The following HDAC5 variants were observed in gnomAD, a reference collection of about 807,000 sequenced individuals.
HDAC5 encodes the protein histone deacetylase 5, also known as antigen NY-CO-9.
A neutral mutation model predicts 133.3 loss-of-function variants in HDAC5; 25 were observed. The observed-to-expected ratio is 0.19, with a 90% CI of 0.14 to 0.26. The LOEUF (loss-of-function observed/expected upper bound fraction) is 0.26, where lower values mean the gene tolerates loss of function less well. Among genes scored for constraint, HDAC5 ranks in the 10% least tolerant of loss-of-function variants. The pLI, the probability that HDAC5 is intolerant of heterozygous loss-of-function variation, is 1.00. For synonymous variants in HDAC5, 589 were observed against 610.8 expected (o/e 0.96, Z 0.53); for missense variants, 1,041 against 1,460.5 (o/e 0.71, Z 4.68).
At chr17:44,109,300 T>C (rs545941116) in intron 3 of HDAC5, among the ~76,000 whole-genome samples, 2 of 152,268 alleles carry the variant, frequency 1.3e-5, no homozygotes, top group Non-Finnish European at 1.5e-5. Flanking sequence ...GGTCTTTAGC[T>C]GGACCTGTGG....
Position 44,107,663 on chromosome 17 carries a change from G to A in HDAC5, c.94+3066C>T, listed in dbSNP as rs574630258. Among the ~76,000 whole-genome samples, 25 of 147,964 alleles carry A rather than the reference G, an allele frequency of 1.7e-4. No individual in the cohort carries two copies. The South Asian group carries it at 5.2e-3, about 31-fold the overall frequency. ...AAGTACCTGATAGCCTTGTCACTCA[G>A]TGCATTATAATAGTTCCACTCTCAC... On this transcript the variant is annotated intron_variant, in intron 3 of 26. Coordinates refer to ENST00000682912, the MANE Select transcript of HDAC5 (RefSeq NM_005474.5).
At position 44,086,619 on chromosome 17, in the gene HDAC5, C is replaced by T. The variant is rs1056137883; in HGVS notation, c.2003G>A (p.Gly668Asp). The part of the protein sequence containing the change: ...RTQSSPAAPG[G>D]MKSPPDQPVK... The stretch of plus-strand genomic sequence containing the variant: ...GGGCTGGTCTGGGGGGCTCTTCATG[C>T]CCCCAGGGGCAGCAGGGGAGGACTG... The change falls in exon 14 of 27, where the codon GGC becomes GAC. Residue 668 changes from glycine (G) to aspartate (D), a missense_variant. Gly to Asp is a moderately conservative substitution (Grantham distance 94, BLOSUM62 -1). Coordinates refer to ENST00000682912, the MANE Select transcript of HDAC5 (RefSeq NM_005474.5). The T allele has an allele frequency of 7.7e-7, 1 of 1,303,272 alleles. No homozygotes were observed. The highest frequency in any genetic ancestry group is 9.8e-7 in the Non-Finnish European group (1 of 1,018,072). The allele number at this position is 1,303,272 out of a possible 1,614,324, so 80.7% of individuals were successfully genotyped here. A position where few individuals can be genotyped will look rare whatever the true frequency, so the allele number is the denominator to read the frequency against.
At chr17:44,113,623 G>A (rs970774453) in intron 2 of HDAC5, among the ~76,000 whole-genome samples, 3 of 152,006 alleles carry the variant, frequency 2.0e-5, no homozygotes, top group African/African-American at 7.3e-5. Flanking sequence ...AAACCTTATG[G>A]AGCACCCACC....
In HDAC5 at chr17:44,117,731, G is replaced by A; in HGVS notation, c.-189-27C>T. 1.6e-6 allele frequency: 1 copy of A among 608,764 alleles called. No individual in the cohort carries two copies. The highest frequency in any genetic ancestry group is 2.9e-6 in the Non-Finnish European group (1 of 339,518). 37.7% of individuals were successfully genotyped at this position (608,764 alleles called of 1,614,324 possible). On this transcript the variant is annotated intron_variant, in intron 1 of 26. Transcript: ENST00000682912. This position sits in a 1 kb window ranked among gnomAD's most constrained non-coding sequence, Gnocchi z 4.2. Reference sequence around the variant, plus strand: ...TGGGGAGAGATGGAGCAGGGTTAGAGGCCCCTAACTCAGGAATCTGAGAGT... The same window carrying A: ...TGGGGAGAGATGGAGCAGGGTTAGAAGCCCCTAACTCAGGAATCTGAGAGT...
rs757705781 is a variant in HDAC5 at position 44,093,817 on chromosome 17, G to T, written c.112C>A (p.Leu38Met). ...IPVTVEVKPVLPRAMPSSMGG... is the reference protein window; with the variant it reads ...IPVTVEVKPVMPRAMPSSMGG... ...ATGGAACTGGGCATGGCTCTTGGCAGCACCGGCTTCACCTCCACTGTGGGC... is the reference window on the plus strand; with the variant it reads ...ATGGAACTGGGCATGGCTCTTGGCATCACCGGCTTCACCTCCACTGTGGGC... The change falls in exon 4 of 27, where the codon CTG (leucine) becomes ATG (methionine). Residue 38 changes from leucine (L) to methionine (M), a missense_variant. By Grantham distance (15) the Leu-to-Met change is conservative (BLOSUM62 2). Transcript: ENST00000682912. 1 of 1,517,164 alleles carries T rather than the reference G, an allele frequency of 6.6e-7. No homozygotes were observed. Among genetic ancestry groups the T allele is most frequent in the South Asian group, 1.3e-5 (1 of 75,464 alleles). 94.0% of individuals were successfully genotyped at this position (1,517,164 alleles called of 1,614,324 possible). A position where few individuals can be genotyped will look rare whatever the true frequency, so the allele number is the denominator to read the frequency against.
intron 1 of HDAC5, among the ~76,000 whole-genome samples, chr17:44,118,684 C>G (rs59908555): frequency 6.6e-6 from 1 of 152,272 alleles, no homozygotes; most frequent in African/African-American, 2.4e-5. Context: ...CGATCCACCC[C>G]AGACATGATC....
At chr17:44,084,715 A>G in intron 15 of HDAC5, 40 bp from the exon 16 acceptor site, 1 of 1,608,928 alleles carries the variant, frequency 6.2e-7, no homozygotes, top group Non-Finnish European at 8.5e-7. Context: ...ACAAAGGCAC[A>G]GCTCTCTCAG....
At chr17:44,086,423 G>A (rs145972960) in intron 14 of HDAC5, 149 bp downstream of exon 14, 12 of 540,288 alleles carry the variant, frequency 2.2e-5, no homozygotes, top group East Asian at 2.1e-4. Context: ...GAACAGCTCT[G>A]GGGTACAGGG....
At position 44,091,118 on chromosome 17, in the gene HDAC5, G is replaced by A. The variant is rs570998331; in HGVS notation, c.1387+152C>T. On this transcript the variant is annotated intron_variant, in intron 11 of 26. Coordinates refer to ENST00000682912, the MANE Select transcript of HDAC5 (RefSeq NM_005474.5). ...CAGATTTTGTCAAGAACAGTGCCTG[G>A]CATCCTGTAGGTATCCCATGTTTCC... is the stretch of plus-strand genomic sequence containing the variant. 3 of 695,124 alleles carry A rather than the reference G, an allele frequency of 4.3e-6. No homozygotes were observed. The Admixed American group carries it at 6.5e-5, about 15-fold the overall frequency. 43.1% of individuals were successfully genotyped at this position (695,124 alleles called of 1,614,324 possible).
At chr17:44,101,318 G>A (rs2051591672) in intron 3 of HDAC5, among the ~76,000 whole-genome samples, 1 of 147,288 alleles carries the variant, frequency 6.8e-6, no homozygotes, top group Non-Finnish European at 1.5e-5. Flanking sequence ...GGCTGAGGCA[G>A]GAGAATGGCA....
At chr17:44,112,106 C>G (rs2052381736) in intron 2 of HDAC5, among the ~76,000 whole-genome samples, 1 of 152,120 alleles carries the variant, frequency 6.6e-6, no homozygotes, top group African/African-American at 2.4e-5. Flanking sequence ...GTCTGAGGCT[C>G]AAGTCTGAGC....
chr17:44,093,736 C>G lies in HDAC5; in HGVS notation c.193G>C (p.Gly65Arg), dbSNP rs1201445885. Reference protein sequence around the residue: ...SPVELRGALVGSVDPTLREQQ... With the variant: ...SPVELRGALVRSVDPTLREQQ... ...TCCCGCAGTGTGGGGTCCACAGAGC[C>G]CACCAGAGCCCCCCGTAGCTCCACA... The change falls in exon 4 of 27, where the codon GGC becomes CGC. Residue 65 changes from glycine (G) to arginine (R), a missense_variant. Coordinates refer to ENST00000682912, the MANE Select transcript of HDAC5 (RefSeq NM_005474.5). 1.9e-6 allele frequency: 3 copies of G among 1,604,038 alleles called. No individual in the cohort carries two copies. In the African/African-American group the frequency reaches 4.0e-5, roughly 21 times the overall value.
intron 3 of HDAC5, among the ~76,000 whole-genome samples, chr17:44,110,104 C>G (rs917063906): frequency 2.6e-5 from 4 of 152,248 alleles, no homozygotes; most frequent in African/African-American, 9.6e-5. Flanking sequence ...CAACCCAGAC[C>G]TGGGGAGAGG....
At chr17:44,091,026 C>T (rs567481375) in intron 11 of HDAC5, among the ~76,000 whole-genome samples, 32 of 152,312 alleles carry the variant, frequency 2.1e-4, no homozygotes, top group African/African-American at 6.7e-4. Flanking sequence ...CTAGAAATTA[C>T]GTATGTAGAT....
intron 1 of HDAC5, chr17:44,119,971 T>G (rs1030223701): frequency 6.6e-6 from 1 of 151,878 alleles, no homozygotes; most frequent in Admixed American, 6.6e-5. Flanking sequence ...TCACACCAAC[T>G]CTTTCTTCCA....
intron 3 of HDAC5, among the ~76,000 whole-genome samples, chr17:44,096,214 A>C (rs539752102): frequency 6.6e-6 from 1 of 152,174 alleles, no homozygotes; most frequent in East Asian, 1.9e-4. Flanking sequence ...AGGCCAACCC[A>C]TTCCTGTTTC....
intron 2 of HDAC5, among the ~76,000 whole-genome samples, chr17:44,112,391 C>T (rs758711110): frequency 2.0e-5 from 3 of 152,170 alleles, no homozygotes; most frequent in African/African-American, 4.8e-5. Flanking sequence ...TTGTGCCTCC[C>T]ACTGGTACAA....
chr17:44,104,897 A>G (rs2051838375), intron 3 of HDAC5, among the ~76,000 whole-genome samples: 1 of 152,136 alleles, frequency 6.6e-6, no homozygotes, highest in Non-Finnish European at 1.5e-5. Context: ...CACAAAGCAG[A>G]CACAATGTGA....
At chr17:44,087,271 C>T in intron 13 of HDAC5, 141 bp downstream of exon 13, 1 of 602,362 alleles carries the variant, frequency 1.7e-6, no homozygotes, top group Non-Finnish European at 3.0e-6. Context: ...CCTTCCCACT[C>T]CCCTTTTGCT....
Sources: gnomAD v4.1 joint callset for allele counts (sites outside exome capture counted in the v4.1 genomes callset) on GRCh38, gnomAD v4.1.1 for gene constraint, Gnocchi (gnomAD v3.1) non-coding constraint, MANE v1.5 for transcripts, NCBI Gene and HGNC (gene_info 2026-07-23, HGNC 2026-07-21) for gene names.